The following ROBO2 variants were observed in gnomAD, a reference collection of about 807,000 sequenced individuals.
The protein encoded by ROBO2 is roundabout guidance receptor 2.
A neutral mutation model predicts 160.8 loss-of-function variants in ROBO2; 53 were observed. The observed-to-expected ratio is 0.33, with a 90% confidence interval of 0.26 to 0.41. ROBO2 has a LOEUF of 0.41. ROBO2 is among the 10% of genes least tolerant of loss of function. The probability of loss-of-function intolerance (pLI) is 1.00; values close to 1 mark genes in which losing one functional copy is unlikely to be tolerated. For synonymous variants in ROBO2, 664 were observed against 611.7 expected (o/e 1.09, Z -1.26); for missense variants, 1,577 against 1,722.4 (o/e 0.92, Z 1.49).
chr3:77,483,782 T>A (rs767615395), intron 4 of ROBO2, among the ~76,000 whole-genome samples: 100 of 148,238 alleles, frequency 6.7e-4, no homozygotes, highest in Non-Finnish European at 1.1e-3. Context: ...ATAATAAAAA[T>A]ATATATAATA....
intron 2 of ROBO2, among the ~76,000 whole-genome samples, chr3:76,112,964 TGA>T (rs770849893): frequency 1.7e-3 from 259 of 152,206 alleles, no homozygotes; most frequent in Non-Finnish European, 2.7e-3. Context: ...ATTGATTGAT[TGA>T]GGAAATTTCC....
intron 23 of ROBO2, among the ~76,000 whole-genome samples, chr3:77,627,877 T>G (rs1294213574): frequency 6.6e-6 from 1 of 152,142 alleles, no homozygotes; most frequent in African/African-American, 2.4e-5. Context: ...GACTTTAGCT[T>G]AATGGATCTA....
intron 2 of ROBO2, among the ~76,000 whole-genome samples, chr3:76,353,355 CGAA>C (rs1360358697): frequency 6.6e-6 from 1 of 151,762 alleles, no homozygotes; most frequent in Non-Finnish European, 1.5e-5. Flanking sequence ...ACTTTAATAA[CGAA>C]GGAGAAACTT....
intron 2 of ROBO2, among the ~76,000 whole-genome samples, chr3:77,123,732 G>GTATCTAGATATATAATCTATATAGATACA (rs2150290065): frequency 1.0e-5 from 1 of 99,496 alleles, no homozygotes; most frequent in Admixed American, 9.3e-5. Flanking sequence ...TAATCTATAT[G>GTATCTAGATATATAATCTATATAGATACA]TATCTAGATA....
At chr3:76,889,855 A>G (rs554139837) in intron 2 of ROBO2, among the ~76,000 whole-genome samples, 7 of 152,276 alleles carry the variant, frequency 4.6e-5, no homozygotes, top group African/African-American at 1.7e-4. Flanking sequence ...AATATTCTCT[A>G]GAAAAAGGTG....
intron 2 of ROBO2, among the ~76,000 whole-genome samples, chr3:76,307,075 C>T (rs1312359813): frequency 1.3e-5 from 2 of 152,146 alleles, no homozygotes; most frequent in African/African-American, 2.4e-5. Flanking sequence ...CCCTGCCTAC[C>T]GCTGCTACTC....
At chr3:77,248,733 G>A (rs902314978) in intron 2 of ROBO2, among the ~76,000 whole-genome samples, 4 of 150,600 alleles carry the variant, frequency 2.7e-5, no homozygotes, top group Non-Finnish European at 5.9e-5. Context: ...TCCAGTTCCC[G>A]CCCACGAAGG....
chr3:77,393,072 T>A (rs971404093), intron 2 of ROBO2, among the ~76,000 whole-genome samples: 2 of 152,174 alleles, frequency 1.3e-5, no homozygotes, highest in African/African-American at 2.4e-5. Context: ...AGAGCTCTGT[T>A]TTCCTGGTTA....
chr3:77,047,377 T>A lies in ROBO2; in HGVS notation c.61+6531T>A, dbSNP rs775154960. Among the ~76,000 whole-genome samples, 9 of 152,250 alleles carry A rather than the reference T, an allele frequency of 5.9e-5. 1 individual carries two copies. The East Asian group carries it at 1.5e-3, about 26-fold the overall frequency. On this transcript the variant is annotated intron_variant, in intron 1 of 25. Coordinates refer to ENST00000461745, the Ensembl canonical transcript of ROBO2. ...CATACAGTTATAATGAGAAATAAAA[T>A]AGTTTTAAAAATATAACGATATATA...
intron 2 of ROBO2, among the ~76,000 whole-genome samples, chr3:75,969,930 T>G (rs1238401351): frequency 6.6e-6 from 1 of 151,600 alleles, no homozygotes; most frequent in African/African-American, 2.4e-5. Flanking sequence ...GCCTGAGCTT[T>G]TGGTGTGATA....
intron 2 of ROBO2, among the ~76,000 whole-genome samples, chr3:76,763,344 A>C (rs1239196982): frequency 6.6e-6 from 1 of 151,718 alleles, no homozygotes; most frequent in Middle Eastern, 3.2e-3. Flanking sequence ...ATATATGTAA[A>C]GCTTATTTAG....
chr3:76,351,065 AT>A (rs1489124873), intron 2 of ROBO2, among the ~76,000 whole-genome samples: 1 of 151,854 alleles, frequency 6.6e-6, no homozygotes, highest in African/African-American at 2.4e-5. Flanking sequence ...TTTTAAGTTA[AT>A]TTTTACTAAA....
intron 2 of ROBO2, among the ~76,000 whole-genome samples, chr3:76,840,368 G>T (rs943624555): frequency 6.6e-6 from 1 of 151,582 alleles, no homozygotes; most frequent in African/African-American, 2.4e-5. Context: ...CCAGCACTTT[G>T]GGAGGCCGAG....
At chr3:76,434,490 C>A in intron 2 of ROBO2, 4 of 1,556,668 alleles carry the variant, frequency 2.6e-6, no homozygotes, top group Non-Finnish European at 2.7e-6. Flanking sequence ...ATGTTTTATA[C>A]AAACCGAGTC....
chr3:76,861,340 T>G (rs2070759355), intron 2 of ROBO2, among the ~76,000 whole-genome samples: 1 of 152,202 alleles, frequency 6.6e-6, no homozygotes, highest in African/African-American at 2.4e-5. Context: ...TACTGGGTTG[T>G]TTTGAGGATT....
intron 2 of ROBO2, among the ~76,000 whole-genome samples, chr3:76,166,337 G>T (rs1202879437): frequency 6.6e-6 from 1 of 152,048 alleles, no homozygotes; most frequent in Non-Finnish European, 1.5e-5. Context: ...AGTTTGAAAG[G>T]CCAGTTTCTT....
intron 2 of ROBO2, among the ~76,000 whole-genome samples, chr3:77,216,984 A>G (rs1344921718): frequency 1.3e-5 from 2 of 152,124 alleles, no homozygotes; most frequent in African/African-American, 2.4e-5. Context: ...ATTTCAAGAC[A>G]CCAAGTAATT....
At chr3:77,612,939 C>G (rs539407195) in intron 21 of ROBO2, among the ~76,000 whole-genome samples, 6 of 151,142 alleles carry the variant, frequency 4.0e-5, no homozygotes, top group Non-Finnish European at 8.8e-5. Context: ...GGTGACAGAG[C>G]GAGACTCCGT....
chr3:76,633,509 A>C (rs549988969), intron 2 of ROBO2, among the ~76,000 whole-genome samples: 1 of 152,332 alleles, frequency 6.6e-6, no homozygotes, highest in African/African-American at 2.4e-5. Flanking sequence ...AAAAGACACG[A>C]AGGAGAAAGA....
Sources: gnomAD v4.1 joint callset for allele counts (sites outside exome capture counted in the v4.1 genomes callset) on GRCh38, gnomAD v4.1.1 for gene constraint, MANE v1.5 for transcripts, NCBI Gene and HGNC (gene_info 2026-07-23, HGNC 2026-07-21) for gene names.